Variants in FUT9 observed in about 807,000 individuals in gnomAD.
The protein encoded by FUT9 is 4-galactosyl-N-acetylglucosaminide 3-alpha-L-fucosyltransferase 9.
A neutral mutation model predicts 29.7 loss-of-function variants in FUT9; 15 were observed. The observed-to-expected ratio is 0.51, with a 90% CI of 0.34 to 0.78. The LOEUF (loss-of-function observed/expected upper bound fraction) is 0.78, where lower values mean the gene tolerates loss of function less well. Ranked by LOEUF, FUT9 falls within the 30% of genes least tolerant of loss-of-function variation. FUT9 has a pLI of 0.01. For synonymous variants in FUT9, 169 were observed against 153.7 expected (o/e 1.10, Z -0.74); for missense variants, 319 against 425.4 (o/e 0.75, Z 2.20).
intron 2 of FUT9, among the ~76,000 whole-genome samples, chr6:96,188,299 A>T (rs2127987916): frequency 6.6e-6 from 1 of 151,868 alleles, no homozygotes; most frequent in Admixed American, 6.6e-5. Flanking sequence ...ATGGGACCTG[A>T]CTTGTTGCCC....
intron 2 of FUT9, among the ~76,000 whole-genome samples, chr6:96,157,175 A>G (rs903767827): frequency 1.3e-5 from 2 of 152,170 alleles, no homozygotes; most frequent in African/African-American, 4.8e-5. Context: ...TTCTTCTTAT[A>G]TTCTTTGAGT....
chr6:96,119,620 G>A lies in FUT9; in HGVS notation c.-9+5493G>A, dbSNP rs78502394. On this transcript the variant is annotated intron_variant, in intron 2 of 2. Coordinates refer to ENST00000302103, the MANE Select transcript of FUT9 (RefSeq NM_006581.4). ...TGCAATTTTGTTAGATTTATACATA[G>A]TATCTCAGAGGAAATAAAGTCATTT... is the stretch of plus-strand genomic sequence containing the variant. Among the ~76,000 whole-genome samples, 1,034 of 152,154 alleles carry A rather than the reference G, an allele frequency of 6.8e-3. 12 individuals are homozygous for A. Among genetic ancestry groups the A allele is most frequent in the African/African-American group, 0.023 (966 of 41,540 alleles).
At chr6:96,124,024 A>T (rs1335937594) in intron 2 of FUT9, among the ~76,000 whole-genome samples, 4 of 152,044 alleles carry the variant, frequency 2.6e-5, no homozygotes, top group Non-Finnish European at 5.9e-5. Context: ...AAGTTAGTTA[A>T]ATTGCTAAAG....
chr6:96,057,642 C>A (rs1201172675), intron 1 of FUT9, among the ~76,000 whole-genome samples: 1 of 152,072 alleles, frequency 6.6e-6, no homozygotes, highest in African/African-American at 2.4e-5. Flanking sequence ...CTTCCAAATG[C>A]TGAATTAAGG....
At chr6:96,202,498 T>C (rs1280233808) in intron 2 of FUT9, among the ~76,000 whole-genome samples, 1 of 152,034 alleles carries the variant, frequency 6.6e-6, no homozygotes. Context: ...GAAAAATATA[T>C]AAATAAAAAC....
chr6:96,119,463 C>T (rs138571045), intron 2 of FUT9, among the ~76,000 whole-genome samples: 411 of 152,294 alleles, frequency 2.7e-3, no homozygotes, highest in African/African-American at 8.8e-3. Context: ...AATCACCTAA[C>T]ATCACATTTC....
At chr6:96,071,339 C>T (rs12173307) in intron 1 of FUT9, among the ~76,000 whole-genome samples, 3,448 of 152,172 alleles carry the variant, frequency 0.023, 65 homozygotes, top group East Asian at 0.079. Flanking sequence ...TTCTAGTTGT[C>T]TGGTAAGGGA....
At chr6:96,082,984 AT>A (rs1771262612) in intron 1 of FUT9, among the ~76,000 whole-genome samples, 1 of 151,956 alleles carries the variant, frequency 6.6e-6, no homozygotes, top group South Asian at 2.1e-4. Context: ...TTCTTCAAAA[AT>A]TTTTTTAGCT....
At chr6:96,138,623 T>C (rs1170849607) in intron 2 of FUT9, among the ~76,000 whole-genome samples, 1 of 152,170 alleles carries the variant, frequency 6.6e-6, no homozygotes. Context: ...AGTCTGAAAT[T>C]ATATCATCGT....
intron 1 of FUT9, among the ~76,000 whole-genome samples, chr6:96,089,134 C>A (rs1199745529): frequency 6.6e-6 from 1 of 152,144 alleles, no homozygotes; most frequent in East Asian, 1.9e-4. Context: ...TATGTGAGAT[C>A]TGAAGGGTTG....
intron 2 of FUT9, among the ~76,000 whole-genome samples, chr6:96,149,624 C>T (rs896010079): frequency 9.9e-5 from 15 of 152,112 alleles, no homozygotes; most frequent in African/African-American, 3.6e-4. Context: ...CTTATTGAAG[C>T]ATGAACACTG....
chr6:96,035,227 G>C (rs1231341421), intron 1 of FUT9, among the ~76,000 whole-genome samples: 1 of 151,464 alleles, frequency 6.6e-6, no homozygotes, highest in Admixed American at 6.6e-5. Context: ...AAAAAAGAGA[G>C]ATGAAGAGAG....
intron 1 of FUT9, among the ~76,000 whole-genome samples, chr6:96,030,421 G>T (rs141549641): frequency 2.6e-5 from 4 of 151,624 alleles, no homozygotes; most frequent in Non-Finnish European, 4.4e-5. Flanking sequence ...AGATATCACT[G>T]TAGACCTATT....
At chr6:96,038,342 G>A (rs1345210888) in intron 1 of FUT9, among the ~76,000 whole-genome samples, 1 of 152,086 alleles carries the variant, frequency 6.6e-6, no homozygotes, top group Non-Finnish European at 1.5e-5. Context: ...TTAGAAAACT[G>A]AGGCCATCTC....
intron 2 of FUT9, among the ~76,000 whole-genome samples, chr6:96,199,423 G>T (rs1046348653): frequency 1.3e-5 from 2 of 152,018 alleles, no homozygotes; most frequent in Admixed American, 1.3e-4. Flanking sequence ...TTGAGGGGAG[G>T]GGGTGAGCAG....
chr6:96,020,185 T>G (rs1770043278), intron 1 of FUT9, among the ~76,000 whole-genome samples: 3 of 152,154 alleles, frequency 2.0e-5, no homozygotes. Flanking sequence ...TCTTTTAACA[T>G]TTTTGCATAA....
chr6:96,148,743 GA>G (rs1220179454), intron 2 of FUT9, among the ~76,000 whole-genome samples: 2 of 152,112 alleles, frequency 1.3e-5, no homozygotes, highest in Non-Finnish European at 2.9e-5. Flanking sequence ...GTAGATACAT[GA>G]ACATTTAACC....
chr6:96,159,003 T>G (rs1215694610), intron 2 of FUT9, among the ~76,000 whole-genome samples: 1 of 152,162 alleles, frequency 6.6e-6, no homozygotes, highest in Non-Finnish European at 1.5e-5. Context: ...AACATCATAT[T>G]GCAAAAGTGC....
intron 1 of FUT9, among the ~76,000 whole-genome samples, chr6:96,065,335 A>G (rs1006699428): frequency 3.3e-5 from 5 of 152,132 alleles, no homozygotes; most frequent in Admixed American, 2.0e-4. Flanking sequence ...ATGCTCTCTT[A>G]AGGATTTGCC....
Sources: allele counts gnomAD v4.1 joint callset (sites outside exome capture counted in the v4.1 genomes callset), GRCh38; gene constraint gnomAD v4.1.1; transcripts MANE v1.5; gene names NCBI Gene and HGNC (gene_info 2026-07-23, HGNC 2026-07-21).